Variants in TMEM135 observed in about 807,000 individuals in gnomAD.
TMEM135 encodes the protein peroxisomal membrane protein 52.
In TMEM135, 30 loss-of-function variants were observed where a neutral mutation model predicts 60.3. The ratio of observed to expected loss-of-function variants is 0.50; its 90% CI spans 0.37 to 0.68. The LOEUF (loss-of-function observed/expected upper bound fraction) is 0.68. TMEM135 is among the 30% of genes least tolerant of loss of function. The pLI is 0.00. For missense variants in TMEM135, 468 were observed against 548.8 expected (o/e 0.85, Z 1.47); for synonymous variants, 190 against 186.7 (o/e 1.02, Z -0.14).
rs1256367665 is a variant in TMEM135, at chr11:87,259,143, G to A, written c.509+22459G>A. 18 of 685,000 alleles carry A rather than the reference G, an allele frequency of 2.6e-5. No homozygotes were observed. The East Asian group carries it at 4.7e-4, about 18-fold the overall frequency. 42.4% of individuals were successfully genotyped at this position (685,000 alleles called of 1,614,324 possible). A position where few individuals can be genotyped will look rare whatever the true frequency, so the allele number is the denominator to read the frequency against. ...CTCCATCAGGCCCCATAGTCTCTCC[G>A]ACCAGGTCTCATCTAGCTTCTCCTC... is the stretch of plus-strand genomic sequence containing the variant. On this transcript the variant is annotated intron_variant, in intron 6 of 14. Coordinates refer to ENST00000305494, the MANE Select transcript of TMEM135 (RefSeq NM_022918.4).
chr11:87,235,838 T>C (rs886919074), intron 5 of TMEM135, among the ~76,000 whole-genome samples: 1 of 151,996 alleles, frequency 6.6e-6, no homozygotes, highest in Non-Finnish European at 1.5e-5. Flanking sequence ...TTGTGTTTAC[T>C]GTGATGTTTT....
chr11:87,161,421 A>G (rs552651549), intron 5 of TMEM135, among the ~76,000 whole-genome samples: 43 of 151,990 alleles, frequency 2.8e-4, no homozygotes, highest in Non-Finnish European at 5.3e-4. Context: ...AGATAAGGTT[A>G]CTCTCTTAAA....
chr11:87,239,267 C>G (rs905893405), intron 6 of TMEM135, among the ~76,000 whole-genome samples: 2 of 151,986 alleles, frequency 1.3e-5, no homozygotes, highest in Non-Finnish European at 2.9e-5. Flanking sequence ...TTGTTTTTCT[C>G]CTAAAAGAAG....
intron 6 of TMEM135, among the ~76,000 whole-genome samples, chr11:87,257,808 A>G (rs942478458): frequency 6.6e-6 from 1 of 152,114 alleles, no homozygotes; most frequent in Admixed American, 6.5e-5. Flanking sequence ...ATGGCTGCAC[A>G]AGTCTGAATA....
intron 5 of TMEM135, among the ~76,000 whole-genome samples, chr11:87,165,591 A>G (rs202097793): frequency 6.7e-6 from 1 of 149,504 alleles, no homozygotes; most frequent in Non-Finnish European, 1.5e-5. Context: ...TTTTCTATTG[A>G]TTGGAATAGT....
At chr11:87,152,286 C>T (rs1216763853) in intron 4 of TMEM135, among the ~76,000 whole-genome samples, 2 of 151,776 alleles carry the variant, frequency 1.3e-5, no homozygotes, top group Non-Finnish European at 2.9e-5. Flanking sequence ...CTTTTATTTC[C>T]TTCTGTCATT....
intron 6 of TMEM135, among the ~76,000 whole-genome samples, chr11:87,248,771 T>G (rs1399122295): frequency 1.3e-5 from 2 of 152,168 alleles, no homozygotes; most frequent in African/African-American, 4.8e-5. Context: ...TATTTTTTGG[T>G]GTCCTCTTTA....
chr11:87,175,089 G>T (rs1261276039), intron 5 of TMEM135, among the ~76,000 whole-genome samples: 1 of 152,100 alleles, frequency 6.6e-6, no homozygotes, highest in East Asian at 1.9e-4. Context: ...CATAAGTCTG[G>T]ATGGTATAGA....
chr11:87,161,031 T>A (rs568905305), intron 5 of TMEM135, among the ~76,000 whole-genome samples: 1 of 152,114 alleles, frequency 6.6e-6, no homozygotes, highest in Non-Finnish European at 1.5e-5. Flanking sequence ...TCCTGAGTAG[T>A]TGGGACCACA....
intron 5 of TMEM135, among the ~76,000 whole-genome samples, chr11:87,173,875 G>T (rs143304031): frequency 4.2e-4 from 64 of 152,258 alleles, no homozygotes; most frequent in African/African-American, 1.3e-3. Flanking sequence ...TTTGTTGCCA[G>T]TGCGCTCTGC....
At chr11:87,311,538 G>A (rs566328842) in intron 10 of TMEM135, among the ~76,000 whole-genome samples, 1 of 152,044 alleles carries the variant, frequency 6.6e-6, no homozygotes, top group African/African-American at 2.4e-5. Flanking sequence ...CCCCAGGTTG[G>A]TTATTCTCTG....
At chr11:87,140,765 T>C (rs947305540) in intron 4 of TMEM135, among the ~76,000 whole-genome samples, 4 of 152,258 alleles carry the variant, frequency 2.6e-5, no homozygotes, top group African/African-American at 9.6e-5. Flanking sequence ...TTTTGAGCTC[T>C]AACATTTAAG....
chr11:87,232,695 A>G (rs1030126688), intron 5 of TMEM135, among the ~76,000 whole-genome samples: 1 of 152,180 alleles, frequency 6.6e-6, no homozygotes, highest in Non-Finnish European at 1.5e-5. Context: ...ATAATAGCAC[A>G]AAGGTCGAGG....
Position 87,038,081 on chromosome 11 carries a change from C to T in TMEM135, c.36C>T (p.Cys12=), listed in dbSNP as rs768670785. 4.3e-6 allele frequency: 7 copies of T among 1,614,226 alleles called. No homozygotes were observed. In the East Asian group the frequency reaches 1.6e-4, roughly 36 times the overall value. ...AALSKSIPHN[C]YEIGHTWHPS... ...TCAGCAAGTCCATCCCTCATAACTG[C>T]TATGAGATCGGCCACACTTGGCACC... Residue 12 remains cysteine, a synonymous_variant, in exon 1 of 15, where the codon TGC becomes TGT. Transcript: ENST00000305494.
At chr11:87,187,350 T>C (rs77049658) in intron 5 of TMEM135, among the ~76,000 whole-genome samples, 5,390 of 152,266 alleles carry the variant, frequency 0.035, 282 homozygotes, top group African/African-American at 0.11. Context: ...CAGATTCTGA[T>C]TAATGTGTTC....
chr11:87,275,336 AC>A (rs1302596855), intron 6 of TMEM135, among the ~76,000 whole-genome samples: 1 of 152,090 alleles, frequency 6.6e-6, no homozygotes, highest in African/African-American at 2.4e-5. Context: ...AAATTCCTAT[AC>A]TTAAGTGCTA....
chr11:87,305,831 T>C (rs1942532734), intron 8 of TMEM135, 105 bp from the exon 9 acceptor site: 2 of 535,676 alleles, frequency 3.7e-6, no homozygotes, highest in Admixed American at 3.3e-5. Context: ...CTCTCTCTTT[T>C]TTTTTTTGGT....
At chr11:87,096,241 A>G (rs916874768) in intron 4 of TMEM135, 3 of 284,174 alleles carry the variant, frequency 1.1e-5, no homozygotes, top group Admixed American at 7.6e-5. Context: ...GCAGATACAC[A>G]GCTTTAGATC....
chr11:87,168,498 C>T (rs995422330), intron 5 of TMEM135, among the ~76,000 whole-genome samples: 11 of 152,012 alleles, frequency 7.2e-5, no homozygotes, highest in African/African-American at 1.7e-4. Context: ...GATTCTGGTA[C>T]GTTGTGTCTT....
Sources: gnomAD v4.1 joint callset for allele counts (sites outside exome capture counted in the v4.1 genomes callset) on GRCh38, gnomAD v4.1.1 for gene constraint, MANE v1.5 for transcripts, NCBI Gene and HGNC (gene_info 2026-07-23, HGNC 2026-07-21) for gene names.